SCFD2: variants seen among roughly 807,000 people sequenced by gnomAD.
SCFD2 encodes sec1 family domain-containing protein 2.
A neutral mutation model predicts 58.9 loss-of-function variants in SCFD2; 54 were observed. The observed-to-expected ratio is 0.92, with a 90% CI of 0.74 to 1.15. The LOEUF (loss-of-function observed/expected upper bound fraction) is 1.15. SCFD2 is among the 50% of genes most tolerant of loss of function. The pLI, the probability that SCFD2 is intolerant of heterozygous loss-of-function variation, is 0.00. For missense variants in SCFD2, 805 were observed against 836.6 expected (o/e 0.96, Z 0.47); for synonymous variants, 321 against 335.9 (o/e 0.96, Z 0.49).
At chr4:53,201,287 T>C (rs1437028983) in intron 4 of SCFD2, among the ~76,000 whole-genome samples, 1 of 152,024 alleles carries the variant, frequency 6.6e-6, no homozygotes. Flanking sequence ...TGGTTTTTTC[T>C]CCTTGCCATA....
chr4:53,116,664 C>A (rs1218229025), intron 5 of SCFD2, among the ~76,000 whole-genome samples: 2 of 152,128 alleles, frequency 1.3e-5, no homozygotes, highest in Admixed American at 6.5e-5. Context: ...CTTCTGAATC[C>A]AATTATACCT....
intron 4 of SCFD2, among the ~76,000 whole-genome samples, chr4:53,196,969 G>A (rs1728078231): frequency 6.6e-6 from 1 of 152,054 alleles, no homozygotes; most frequent in Admixed American, 6.6e-5. Flanking sequence ...AAGCCACACG[G>A]AAGATAGACA....
intron 7 of SCFD2, among the ~76,000 whole-genome samples, chr4:52,904,931 C>T (rs947674163): frequency 6.6e-6 from 1 of 152,148 alleles, no homozygotes; most frequent in Admixed American, 6.5e-5. Flanking sequence ...CATTTCTGGG[C>T]CTCAGTTTCC....
At chr4:53,300,814 T>C (rs1577947737) in intron 3 of SCFD2, among the ~76,000 whole-genome samples, 1 of 152,338 alleles carries the variant, frequency 6.6e-6, no homozygotes, top group Middle Eastern at 3.4e-3. Flanking sequence ...ACTGCTCAAC[T>C]ACATGGAAAC....
intron 4 of SCFD2, among the ~76,000 whole-genome samples, chr4:53,226,856 C>T (rs563941282): frequency 1.2e-4 from 18 of 152,166 alleles, no homozygotes; most frequent in Admixed American, 3.9e-4. Flanking sequence ...AACCAACCAA[C>T]CCTCAAAAAC....
intron 4 of SCFD2, among the ~76,000 whole-genome samples, chr4:53,228,704 C>A (rs1026628536): frequency 1.3e-5 from 2 of 152,064 alleles, no homozygotes; most frequent in Admixed American, 6.5e-5. Context: ...CCTTTGAAAA[C>A]TGGCACAAGA....
intron 5 of SCFD2, among the ~76,000 whole-genome samples, chr4:52,994,040 C>T (rs1404920349): frequency 6.6e-6 from 1 of 152,256 alleles, no homozygotes; most frequent in East Asian, 1.9e-4. Flanking sequence ...GGAGCTGCTC[C>T]TGTTCAGGGG....
At chr4:52,973,220 G>C (rs1354347672) in intron 5 of SCFD2, among the ~76,000 whole-genome samples, 1 of 152,116 alleles carries the variant, frequency 6.6e-6, no homozygotes, top group African/African-American at 2.4e-5. Flanking sequence ...AAAAATCAAT[G>C]AATCCAGGAG....
At chr4:52,897,231 T>C (rs1024780692) in intron 7 of SCFD2, among the ~76,000 whole-genome samples, 9 of 152,234 alleles carry the variant, frequency 5.9e-5, no homozygotes, top group African/African-American at 1.7e-4. Flanking sequence ...CCCTGTCTTG[T>C]GCCAGTTTTC....
intron 4 of SCFD2, among the ~76,000 whole-genome samples, chr4:53,155,397 T>C (rs1253839560): frequency 6.6e-6 from 1 of 152,184 alleles, no homozygotes; most frequent in Non-Finnish European, 1.5e-5. Context: ...CTGTAAGGGA[T>C]AATGCAGCAA....
chr4:53,146,440 T>C (rs978393491), intron 4 of SCFD2, among the ~76,000 whole-genome samples: 1 of 152,226 alleles, frequency 6.6e-6, no homozygotes, highest in Non-Finnish European at 1.5e-5. Flanking sequence ...TTTGTATTTA[T>C]ATTCAATACA....
intron 5 of SCFD2, among the ~76,000 whole-genome samples, chr4:53,071,336 C>G (rs1167999152): frequency 6.6e-6 from 1 of 152,088 alleles, no homozygotes; most frequent in Admixed American, 6.6e-5. Context: ...CTGTCACTCA[C>G]AGCTGAGCCT....
In SCFD2 at chr4:53,285,998, C is replaced by T. The variant is rs980625337; in HGVS notation, c.1136-11997G>A. On this transcript the variant is annotated intron_variant, in intron 3 of 8. Transcript: ENST00000401642. Reference sequence around the variant, plus strand: ...CACAGCACCATCTTGAAACTAGAGCCTCTGCTAGAGTGTACCCTTCTCTGG... The same window carrying T: ...CACAGCACCATCTTGAAACTAGAGCTTCTGCTAGAGTGTACCCTTCTCTGG... Among the ~76,000 whole-genome samples the T allele has an allele frequency of 4.6e-5, 7 of 152,250 alleles. No homozygotes were observed. The East Asian group carries it at 1.4e-3, about 29-fold the overall frequency.
intron 4 of SCFD2, among the ~76,000 whole-genome samples, chr4:53,228,773 C>T (rs558400063): frequency 6.6e-6 from 1 of 152,018 alleles, no homozygotes; most frequent in Admixed American, 6.6e-5. Context: ...CTGGTCAGGG[C>T]AATCAGGCAG....
intron 3 of SCFD2, among the ~76,000 whole-genome samples, chr4:53,308,994 A>C (rs1345650021): frequency 6.6e-6 from 1 of 152,008 alleles, no homozygotes; most frequent in African/African-American, 2.4e-5. Flanking sequence ...TTAGCCGGGC[A>C]TGGTGGCATG....
intron 2 of SCFD2, among the ~76,000 whole-genome samples, chr4:53,320,478 A>G (rs1353814555): frequency 1.3e-5 from 2 of 152,148 alleles, no homozygotes; most frequent in African/African-American, 4.8e-5. Context: ...TTAGCTGGGC[A>G]TGGTGGTGCA....
intron 5 of SCFD2, among the ~76,000 whole-genome samples, chr4:52,924,818 T>C (rs1277971253): frequency 6.6e-6 from 1 of 152,216 alleles, no homozygotes; most frequent in East Asian, 1.9e-4. Flanking sequence ...GGTTCAAATA[T>C]CCCCGATTGC....
chr4:53,260,608 C>T (rs1730801945), intron 4 of SCFD2, among the ~76,000 whole-genome samples: 1 of 152,072 alleles, frequency 6.6e-6, no homozygotes, highest in African/African-American at 2.4e-5. Context: ...ATCTTTTTGA[C>T]ATGCTGGTGG....
intron 2 of SCFD2, among the ~76,000 whole-genome samples, chr4:53,330,775 G>C (rs1458673452): frequency 6.6e-6 from 1 of 152,014 alleles, no homozygotes; most frequent in Non-Finnish European, 1.5e-5. Flanking sequence ...TGGACTAAAT[G>C]CTCCAATTAA....
Sources: gnomAD v4.1 joint callset for allele counts (sites outside exome capture counted in the v4.1 genomes callset) on GRCh38, gnomAD v4.1.1 for gene constraint, MANE v1.5 for transcripts, NCBI Gene and HGNC (gene_info 2026-07-23, HGNC 2026-07-21) for gene names.